PCDHA9: variants seen among roughly 807,000 people sequenced by gnomAD.
The protein encoded by PCDHA9 is protocadherin alpha 9, also known as protocadherin alpha-9.
Under a neutral mutation model 62.0 loss-of-function variants are expected in PCDHA9, and 62 were observed. That is an observed-to-expected ratio of 1.00 (90% CI 0.81 to 1.23). The LOEUF (loss-of-function observed/expected upper bound fraction) is 1.23. Ranked by LOEUF, PCDHA9 falls within the 50% of genes most tolerant of loss-of-function variation. PCDHA9 has a pLI of 0.00. For missense variants in PCDHA9, 1,205 were observed against 1,249.8 expected (o/e 0.96, Z 0.54); for synonymous variants, 557 against 567.6 (o/e 0.98, Z 0.27).
intron 1 of PCDHA9, among the ~76,000 whole-genome samples, chr5:140,973,759 C>G (rs1050304490): frequency 2.0e-5 from 3 of 152,250 alleles, no homozygotes; most frequent in Non-Finnish European, 4.4e-5. Flanking sequence ...TGCAGGGACA[C>G]AGCCTGGCAT....
At chr5:141,001,216 G>T (rs938133871) in intron 3 of PCDHA9, among the ~76,000 whole-genome samples, 1 of 152,082 alleles carries the variant, frequency 6.6e-6, no homozygotes, top group Non-Finnish European at 1.5e-5. Context: ...GCTGTATAAG[G>T]ATAGTTACAT....
chr5:140,907,623 G>A (rs553186767), intron 1 of PCDHA9, among the ~76,000 whole-genome samples: 3 of 152,234 alleles, frequency 2.0e-5, no homozygotes, highest in Non-Finnish European at 2.9e-5. Context: ...AGGGCTCAGT[G>A]TTGGTCTCTG....
intron 1 of PCDHA9, chr5:140,870,789 G>T (rs1554164716): frequency 1.2e-6 from 2 of 1,613,512 alleles, no homozygotes; most frequent in East Asian, 2.2e-5. Context: ...ACAACGCGCC[G>T]GCACTGCTGG....
intron 3 of PCDHA9, among the ~76,000 whole-genome samples, chr5:141,002,090 A>AGG (rs782223041): frequency 1.3e-5 from 2 of 152,254 alleles, no homozygotes; most frequent in Non-Finnish European, 2.9e-5. Flanking sequence ...CGAGCAGTCC[A>AGG]GGGGCTGGGC....
At chr5:140,979,494 A>C (rs1284874558) in intron 2 of PCDHA9, among the ~76,000 whole-genome samples, 6 of 152,010 alleles carry the variant, frequency 3.9e-5, no homozygotes, top group African/African-American at 1.2e-4. Flanking sequence ...CACCTATTAG[A>C]GCCTCCTCAT....
At chr5:140,970,152 A>G (rs899776182) in intron 1 of PCDHA9, among the ~76,000 whole-genome samples, 22 of 152,224 alleles carry the variant, frequency 1.4e-4, no homozygotes, top group Non-Finnish European at 2.5e-4. Flanking sequence ...AATTCTCCCA[A>G]TAGTCACCTT....
intron 1 of PCDHA9, chr5:140,871,252 T>A (rs782280300): frequency 2.5e-6 from 4 of 1,613,990 alleles, no homozygotes; most frequent in Non-Finnish European, 1.7e-6. Context: ...GCTGCTGCTG[T>A]ATACGGCGCT....
rs782564746 is a variant in PCDHA9 at position 140,871,379 on chromosome 5, C to T, written c.2394+20490C>T. 2.2e-5 allele frequency: 36 copies of T among 1,614,072 alleles called. No homozygotes were observed. Among genetic ancestry groups the T allele is most frequent in the Non-Finnish European group, 2.8e-5 (33 of 1,180,034 alleles). On this transcript the variant is annotated intron_variant, in intron 1 of 3. Transcript: ENST00000532602. ...CAGCAGAGGCGGCAGAGGGTGTGCT[C>T]TGAGGAGGGCCCACCTAAGACGGAC...
chr5:140,884,285 G>A, intron 1 of PCDHA9: 1 of 1,613,598 alleles, frequency 6.2e-7, no homozygotes. Flanking sequence ...GGTGGAGAGC[G>A]GCCAAGCGCC....
chr5:140,961,776 A>G (rs1554225585), intron 1 of PCDHA9, among the ~76,000 whole-genome samples: 1 of 152,188 alleles, frequency 6.6e-6, no homozygotes, highest in African/African-American at 2.4e-5. Flanking sequence ...ATCAAGCTTA[A>G]TGGCACTTTT....
intron 1 of PCDHA9, chr5:140,857,881 G>T: frequency 6.3e-7 from 1 of 1,597,760 alleles, no homozygotes; most frequent in Non-Finnish European, 8.6e-7. Context: ...ATGAATTGCA[G>T]TCGGCGGCGG....
At chr5:140,927,436 T>A (rs776039540) in intron 1 of PCDHA9, 1 of 1,614,132 alleles carries the variant, frequency 6.2e-7, no homozygotes, top group Non-Finnish European at 8.5e-7. Context: ...CGGCAGCGAA[T>A]ACCCGGAGTT....
intron 1 of PCDHA9, among the ~76,000 whole-genome samples, chr5:140,976,568 TA>T (rs2096723296): frequency 6.6e-6 from 1 of 152,050 alleles, no homozygotes; most frequent in Non-Finnish European, 1.5e-5. Context: ...AATAAATAAA[TA>T]TAAATAAAAC....
intron 1 of PCDHA9, among the ~76,000 whole-genome samples, chr5:140,904,620 A>T (rs1419190047): frequency 6.6e-6 from 1 of 151,986 alleles, no homozygotes; most frequent in Non-Finnish European, 1.5e-5. Flanking sequence ...TTTTACTTTT[A>T]GTTCTTTAAG....
intron 1 of PCDHA9, among the ~76,000 whole-genome samples, chr5:140,975,613 A>G (rs1482474647): frequency 1.3e-5 from 2 of 152,226 alleles, no homozygotes; most frequent in Non-Finnish European, 2.9e-5. Context: ...TGTCTTCCAC[A>G]TGGATTTCCA....
At chr5:140,869,772 T>A (rs1554163433) in intron 1 of PCDHA9, 1 of 1,613,190 alleles carries the variant, frequency 6.2e-7, no homozygotes, top group Non-Finnish European at 8.5e-7. Context: ...CAGAGCTTAC[T>A]GGCACCGTTC....
At chr5:141,006,192 G>A (rs2098259902) in intron 3 of PCDHA9, among the ~76,000 whole-genome samples, 1 of 150,138 alleles carries the variant, frequency 6.7e-6, no homozygotes, top group African/African-American at 2.5e-5. Context: ...TTTGCTATAT[G>A]TATGTTATGC....
intron 1 of PCDHA9, among the ~76,000 whole-genome samples, chr5:140,969,881 G>C (rs1554232131): frequency 6.6e-6 from 1 of 152,196 alleles, no homozygotes; most frequent in African/African-American, 2.4e-5. Flanking sequence ...CTATGTGATA[G>C]GATCCTCTGG....
intron 3 of PCDHA9, among the ~76,000 whole-genome samples, chr5:141,000,421 A>ATT (rs34755515): frequency 0.021 from 589 of 27,976 alleles, 60 homozygotes; most frequent in Middle Eastern, 0.062. Flanking sequence ...ATATATATAT[A>ATT]TTTTTTTTTT....
Sources: allele counts gnomAD v4.1 joint callset (sites outside exome capture counted in the v4.1 genomes callset), GRCh38; gene constraint gnomAD v4.1.1; transcripts MANE v1.5; gene names NCBI Gene and HGNC (gene_info 2026-07-23, HGNC 2026-07-21).